CSF1R: variants seen among roughly 807,000 people sequenced by gnomAD.
CSF1R encodes macrophage colony-stimulating factor 1 receptor.
In CSF1R, 40 loss-of-function variants were observed where a neutral mutation model predicts 110.0. The observed-to-expected ratio is 0.36, with a 90% CI of 0.28 to 0.47. The LOEUF is 0.47. Ranked by LOEUF, CSF1R falls within the 20% of genes least tolerant of loss-of-function variation. CSF1R has a pLI of 0.99. For missense variants in CSF1R, 1,052 were observed against 1,253.0 expected (o/e 0.84, Z 2.42); for synonymous variants, 523 against 503.4 (o/e 1.04, Z -0.52).
intron 1 of CSF1R, among the ~76,000 whole-genome samples, chr5:150,084,255 C>T (rs911789559): frequency 2.0e-5 from 3 of 151,020 alleles, no homozygotes; most frequent in African/African-American, 4.9e-5. Context: ...GCTTGAACCC[C>T]GGAGGCGGAG....
At chr5:150,108,218 C>A (rs146366218) in intron 1 of CSF1R, among the ~76,000 whole-genome samples, 2 of 152,050 alleles carry the variant, frequency 1.3e-5, no homozygotes, top group South Asian at 2.1e-4. Context: ...CAAAGGAATG[C>A]GAAGAGAAAT....
intron 10 of CSF1R, among the ~76,000 whole-genome samples, chr5:150,065,083 A>G (rs947900392): frequency 2.6e-5 from 4 of 152,154 alleles, no homozygotes; most frequent in Non-Finnish European, 5.9e-5. Context: ...TGCTTGAAGC[A>G]CATCACCCCA....
intron 3 of CSF1R, among the ~76,000 whole-genome samples, chr5:150,079,496 C>G (rs1758426257): frequency 6.6e-6 from 1 of 152,214 alleles, no homozygotes; most frequent in Admixed American, 6.5e-5. Context: ...ACGCACCCAC[C>G]ATCTCCTCCC....
intron 14 of CSF1R, among the ~76,000 whole-genome samples, chr5:150,059,482 G>A (rs566006111): frequency 2.7e-4 from 41 of 152,318 alleles, no homozygotes; most frequent in East Asian, 5.8e-4. Context: ...CCCAGAACAC[G>A]GTAGGTGTTC....
chr5:150,079,931 G>A, intron 3 of CSF1R, 121 bp downstream of exon 3: 2 of 1,210,166 alleles, frequency 1.7e-6, no homozygotes, highest in Non-Finnish European at 1.1e-6. Context: ...GGGAAGAAGT[G>A]AAAGAAAGAG....
chr5:150,055,323 G>A lies in CSF1R; in HGVS notation c.2568C>T (p.Tyr856=). 1 of 1,614,186 alleles carries A rather than the reference G, an allele frequency of 6.2e-7. No homozygotes were observed. The highest frequency in any genetic ancestry group is 8.5e-7 in the Non-Finnish European group (1 of 1,180,020). Residue 856 remains tyrosine (Y), a synonymous_variant, in exon 19 of 21, where the codon TAC becomes TAT. Transcript: ENST00000675795. The part of the protein sequence containing the change: ...WEIFSLGLNP[Y]PGILVNSKFY... ...ACTTGCTGTTCACCAGGATGCCAGG[G>A]TAGGGATTCAGCCCTGCAAAGGCCA...
Position 150,054,324 on chromosome 5 carries a change from G to T in CSF1R, c.2761C>A (p.Arg921=), listed in dbSNP as rs202216061. 1.9e-6 allele frequency: 3 copies of T among 1,614,106 alleles called. No homozygotes were observed. Among genetic ancestry groups the T allele is most frequent in the South Asian group, 2.2e-5 (2 of 91,066 alleles). The change falls in exon 20 of 21, where the codon CGG becomes AGG. Residue 921 remains arginine, a splice_region_variant and synonymous_variant. Coordinates refer to ENST00000675795, the MANE Select transcript of CSF1R (RefSeq NM_001288705.3). ...QEQAQEDRRE[R]DYTNLPSSSR... The stretch of plus-strand genomic sequence containing the variant: ...ACCCCAAGCCTCACCCCACTCACCC[G>T]CTCTCTCCTGTCCTCTTGGGCCTGC...
At position 150,084,079 on chromosome 5, in the gene CSF1R, G is replaced by A. The variant is rs1758687021; in HGVS notation, c.49+2300C>T. ...AAGCCAGGCACAGTGGCTCATGCCT[G>A]TAATCCCAGCACTTTGGGACGCCAA... On this transcript the variant is annotated intron_variant, in intron 1 of 20. Coordinates refer to ENST00000675795, the MANE Select transcript of CSF1R (RefSeq NM_001288705.3). 2.0e-5 allele frequency among the ~76,000 whole-genome samples: 3 copies of A among 152,090 alleles called. No individual in the cohort carries two copies. In the South Asian group the frequency reaches 6.2e-4, roughly 32 times the overall value.
intron 1 of CSF1R, among the ~76,000 whole-genome samples, chr5:150,084,487 C>A (rs946366817): frequency 6.6e-6 from 1 of 151,018 alleles, no homozygotes; most frequent in African/African-American, 2.4e-5. Flanking sequence ...GAGTCTTGCT[C>A]TGTCGCCTAG....
intron 16 of CSF1R, 57 bp from the exon 17 acceptor site, chr5:150,056,398 G>T: frequency 6.2e-7 from 1 of 1,602,340 alleles, no homozygotes; most frequent in Non-Finnish European, 8.5e-7. Flanking sequence ...AGCCTGAGGT[G>T]AGGAGGATGG....
Position 150,054,024 on chromosome 5 carries a change from T to C in CSF1R, c.*45A>G. ...CGTGTCGCCCCATCCATGGAGGAGT[T>C]GAAGTTTGTGGGAGGGGAGAGTGGT... On this transcript the variant is annotated 3_prime_UTR_variant, in exon 21 of 21. Coordinates refer to ENST00000675795, the MANE Select transcript of CSF1R (RefSeq NM_001288705.3). The C allele has an allele frequency of 6.3e-7, 1 of 1,593,448 alleles. No individual in the cohort carries two copies. The highest frequency in any genetic ancestry group is 8.6e-7 in the Non-Finnish European group (1 of 1,164,268).
At chr5:150,100,290 C>CTTT (rs752638971) in intron 1 of CSF1R, among the ~76,000 whole-genome samples, 19,605 of 88,168 alleles carry the variant, frequency 0.22, 4,812 homozygotes, top group East Asian at 0.34. Flanking sequence ...ATTGGCTAAC[C>CTTT]TTTTTTTTTT....
chr5:150,054,457 T>A (rs778712369), intron 19 of CSF1R, 27 bp from the exon 20 acceptor site: 2 of 1,588,168 alleles, frequency 1.3e-6, no homozygotes, highest in East Asian at 2.2e-5. Flanking sequence ...AGGATGCCCA[T>A]GGGCAGCTCC....
intron 13 of CSF1R, 137 bp downstream of exon 13, chr5:150,060,725 G>A: frequency 1.7e-6 from 1 of 602,344 alleles, no homozygotes; most frequent in Non-Finnish European, 3.0e-6. Flanking sequence ...GAGTTTAAGG[G>A]ATGCTGTGAC....
chr5:150,095,985 T>C (rs549318093), intron 1 of CSF1R, among the ~76,000 whole-genome samples: 1 of 152,330 alleles, frequency 6.6e-6, no homozygotes, highest in African/African-American at 2.4e-5. Context: ...CAGTCCTGTA[T>C]CTATTTTTAA....
intron 1 of CSF1R, among the ~76,000 whole-genome samples, chr5:150,083,747 T>C (rs1758672310): frequency 6.6e-6 from 1 of 152,198 alleles, no homozygotes; most frequent in Non-Finnish European, 1.5e-5. Context: ...CTTTTATTCC[T>C]AAGCAGATAG....
At chr5:150,112,181 T>G (rs1759739735) in intron 1 of CSF1R, among the ~76,000 whole-genome samples, 1 of 152,218 alleles carries the variant, frequency 6.6e-6, no homozygotes, top group Non-Finnish European at 1.5e-5. Flanking sequence ...TTTTCCTGTT[T>G]CCTGACGACT....
intron 17 of CSF1R, 38 bp from the exon 18 acceptor site, chr5:150,056,175 CTT>C (rs765139248): frequency 1.9e-6 from 3 of 1,614,182 alleles, no homozygotes; most frequent in Non-Finnish European, 2.5e-6. Context: ...GGCCCCGACT[CTT>C]CACCCCCTCC....
intron 1 of CSF1R, among the ~76,000 whole-genome samples, chr5:150,105,925 A>C (rs1055130974): frequency 1.3e-5 from 2 of 152,188 alleles, no homozygotes; most frequent in African/African-American, 2.4e-5. Context: ...GGCTGATTCT[A>C]TTAATTACGC....
Sources: gnomAD v4.1 joint callset for allele counts (sites outside exome capture counted in the v4.1 genomes callset) on GRCh38, gnomAD v4.1.1 for gene constraint, MANE v1.5 for transcripts, NCBI Gene and HGNC (gene_info 2026-07-23, HGNC 2026-07-21) for gene names.